CP: variants seen among roughly 807,000 people sequenced by gnomAD.
The protein encoded by CP is caeruloplasmin.
A neutral mutation model predicts 122.4 loss-of-function variants in CP; 64 were observed. The observed-to-expected ratio is 0.52, with a 90% CI of 0.43 to 0.64. The LOEUF (loss-of-function observed/expected upper bound fraction) is 0.64, where lower values mean the gene tolerates loss of function less well. Among genes scored for constraint, CP ranks in the 30% least tolerant of loss-of-function variants. The probability of loss-of-function intolerance (pLI) is 0.00; values close to 1 mark genes in which losing one functional copy is unlikely to be tolerated. For synonymous variants in CP, 440 were observed against 436.4 expected, an observed-to-expected ratio of 1.01 and a Z score of -0.10; for missense variants, 1,167 against 1,284.4, an observed-to-expected ratio of 0.91 and a Z score of 1.40.
chr3:149,213,179 A>C (rs1416219527), intron 1 of CP, among the ~76,000 whole-genome samples: 1 of 152,232 alleles, frequency 6.6e-6, no homozygotes, highest in Non-Finnish European at 1.5e-5. Flanking sequence ...TTTTCCTTAA[A>C]GTAAGATTAA....
intron 9 of CP, among the ~76,000 whole-genome samples, chr3:149,197,667 G>C (rs914945441): frequency 6.6e-6 from 1 of 152,166 alleles, no homozygotes; most frequent in African/African-American, 2.4e-5. Flanking sequence ...CAAAAACTTG[G>C]GAAAGGGGGG....
rs34907627 is a variant in CP, at chr3:149,177,727, C to T, written c.3018+113G>A. 3.2e-4 allele frequency: 347 copies of T among 1,100,344 alleles called. No individual in the cohort carries two copies. The African/African-American group carries it at 3.9e-3, about 12-fold the overall frequency. The allele number at this position is 1,100,344 out of a possible 1,614,324, so 68.2% of individuals were successfully genotyped here. A position where few individuals can be genotyped will look rare whatever the true frequency, so the allele number is the denominator to read the frequency against. Reference sequence around the variant, plus strand: ...TGGGGAATCCACGGATATGAAGCACCGGCTGTACTCTTTGCAGCTTTTTTT... The same window carrying T: ...TGGGGAATCCACGGATATGAAGCACTGGCTGTACTCTTTGCAGCTTTTTTT... On this transcript the variant is annotated intron_variant, in intron 17 of 18. Coordinates refer to ENST00000264613, the MANE Select transcript of CP (RefSeq NM_000096.4).
At chr3:149,184,210 AT>A (rs1725997691) in intron 12 of CP, among the ~76,000 whole-genome samples, 2 of 150,150 alleles carry the variant, frequency 1.3e-5, no homozygotes, top group Non-Finnish European at 3.0e-5. Flanking sequence ...AATTTTTTGT[AT>A]TTTTTAGTAG....
chr3:149,170,944 G>A (rs953854131), downstream of CP, among the ~76,000 whole-genome samples: 14 of 152,150 alleles, frequency 9.2e-5, no homozygotes, highest in African/African-American at 3.1e-4. Context: ...GAATCATAAA[G>A]TTGCATTTTT....
Position 149,210,262 on chromosome 3 carries a change from TCTC to T in CP, c.509_511del (p.Gly170del), listed in dbSNP as rs770724751. ...GTAAATCCTAGTCACACAATTGCCA[TCTC>T]CTTCCCCAGGACTTTGTTCTTCAGT... On this transcript the variant is annotated inframe_deletion, in exon 3 of 19. Transcript: ENST00000264613. 1.8e-5 allele frequency: 29 copies of T among 1,613,954 alleles called. No homozygotes were observed. The highest frequency in any genetic ancestry group is 2.3e-5 in the Non-Finnish European group (27 of 1,179,958).
intron 2 of CP, 123 bp from the exon 3 acceptor site, chr3:149,210,502 T>A (rs1728038493): frequency 2.3e-6 from 2 of 871,696 alleles, no homozygotes; most frequent in Non-Finnish European, 3.8e-6. Context: ...TCCTTGGGGA[T>A]GTGTTATCCT....
At chr3:149,221,550 G>A (rs1728806884) in intron 1 of CP, 97 bp downstream of exon 1, 2 of 1,176,192 alleles carry the variant, frequency 1.7e-6, no homozygotes, top group East Asian at 5.2e-5. Context: ...TGCAGTTTCT[G>A]TATATAAGAA....
rs1002168399 is a variant in CP, at chr3:149,210,194, T to A, written c.580A>T (p.Ile194Phe). The A allele has an allele frequency of 1.9e-6, 3 of 1,613,950 alleles. No individual in the cohort carries two copies. Among genetic ancestry groups the A allele is most frequent in the African/African-American group, 2.7e-5 (2 of 74,934 alleles). ...DAPKDIASGL[I>F]GPLIICKKDS... ...TTTTTACAGATTATTAAAGGTCCGA[T>A]GAGTCCTGAGGCAATATCTTTTGGA... The change falls in exon 3 of 19, where the codon ATC (isoleucine) becomes TTC (phenylalanine). Residue 194 changes from isoleucine to phenylalanine, a missense_variant. Coordinates refer to ENST00000264613, the MANE Select transcript of CP (RefSeq NM_000096.4).
chr3:149,220,060 CT>C (rs1358152599), intron 1 of CP, among the ~76,000 whole-genome samples: 68 of 152,256 alleles, frequency 4.5e-4, no homozygotes, highest in African/African-American at 1.5e-3. Context: ...GGTAAACAGG[CT>C]TATACTCATT....
intron 14 of CP, 30 bp downstream of exon 14, chr3:149,181,975 C>CTGGGGGGGGGGG: frequency 2.8e-6 from 3 of 1,088,426 alleles, no homozygotes; most frequent in Non-Finnish European, 2.7e-6. Context: ...TGTTAAAATG[C>CTGGGGGGGGGGG]ACCACCCCCA....
intron 18 of CP, 103 bp downstream of exon 18, chr3:149,176,147 G>C: frequency 8.9e-7 from 1 of 1,117,732 alleles, no homozygotes; most frequent in Non-Finnish European, 1.3e-6. Flanking sequence ...ATTCACAAAT[G>C]CTTCATATTG....
At chr3:149,188,518 A>AAAAAAAAT (rs1726337457) in intron 9 of CP, among the ~76,000 whole-genome samples, 1 of 149,560 alleles carries the variant, frequency 6.7e-6, no homozygotes, top group Non-Finnish European at 1.5e-5. Flanking sequence ...AAAAAAAAAA[A>AAAAAAAAT]AGTTAAAATA....
Position 149,178,494 on chromosome 3 carries a change from G to A in CP, c.2799C>T (p.Asp933=), listed in dbSNP as rs371350924. 1 of 1,613,090 alleles carries A rather than the reference G, an allele frequency of 6.2e-7. No homozygotes were observed. The highest frequency in any genetic ancestry group is 8.5e-7 in the Non-Finnish European group (1 of 1,179,280). ...FDENESWYLD[D]NIKTYSDHPE... ...GGTGATCAGAGTATGTTTTGATGTT[G>A]TCATCTAAGTACCAAGATTCATTCT... is the stretch of plus-strand genomic sequence containing the variant. The change falls in exon 16 of 19, where the codon GAC becomes GAT. Residue 933 remains aspartate (D), a synonymous_variant. Coordinates refer to ENST00000264613, the MANE Select transcript of CP (RefSeq NM_000096.4).
At chr3:149,172,185 A>G (rs1432440973), downstream of CP, 4 of 1,613,668 alleles carry the variant, frequency 2.5e-6, no homozygotes, top group African/African-American at 1.3e-5. Flanking sequence ...TTCTTGCCAT[A>G]TCTTCTCTAT....
chr3:149,183,391 G>T, intron 13 of CP, 75 bp downstream of exon 13: 1 of 1,486,914 alleles, frequency 6.7e-7, no homozygotes, highest in South Asian at 1.2e-5. Flanking sequence ...GAAACCCATA[G>T]ACATGAATTG....
rs752706250 is a variant in CP, at chr3:149,198,350, T to C, written c.1713+17A>G. The C allele has an allele frequency of 1.2e-5, 20 of 1,601,330 alleles. No homozygotes were observed. Among genetic ancestry groups the C allele is most frequent in the Admixed American group, 3.3e-5 (2 of 59,992 alleles). On this transcript the variant is annotated intron_variant, in intron 9 of 18. Coordinates refer to ENST00000264613, the MANE Select transcript of CP (RefSeq NM_000096.4). The stretch of plus-strand genomic sequence containing the variant: ...TCAAAGAGATTGAACAATTTTTTTT[T>C]CCCCAGTTGGACTTACCTGTCTCCC...
chr3:149,176,055 C>T (rs1321195522), intron 18 of CP, 195 bp downstream of exon 18: 12 of 591,660 alleles, frequency 2.0e-5, no homozygotes, highest in Non-Finnish European at 3.6e-5. Context: ...TACTGGCTGT[C>T]AGGAAATGAG....
chr3:149,203,644 AATT>A (rs1291209562), intron 6 of CP, among the ~76,000 whole-genome samples: 1 of 152,230 alleles, frequency 6.6e-6, no homozygotes, highest in Non-Finnish European at 1.5e-5. Context: ...CAAACGAAGA[AATT>A]AAATTTCAGA....
rs577948756 is a variant in CP, at chr3:149,205,836, C to A, written c.1208+332G>T. On this transcript the variant is annotated intron_variant, in intron 6 of 18. Coordinates refer to ENST00000264613, the MANE Select transcript of CP (RefSeq NM_000096.4). Reference sequence around the variant, plus strand: ...GAAATGGATAGTGGTGACGGCTATGCAATAGTGTAACTGTACTTAATGCTG... The same window carrying A: ...GAAATGGATAGTGGTGACGGCTATGAAATAGTGTAACTGTACTTAATGCTG... Among the ~76,000 whole-genome samples, 29 of 152,226 alleles carry A rather than the reference C, an allele frequency of 1.9e-4. No individual in the cohort carries two copies. The South Asian group carries it at 2.1e-3, about 11-fold the overall frequency.
Sources: allele counts gnomAD v4.1 joint callset (sites outside exome capture counted in the v4.1 genomes callset), GRCh38; gene constraint gnomAD v4.1.1; transcripts MANE v1.5; gene names NCBI Gene and HGNC (gene_info 2026-07-23, HGNC 2026-07-21).